Variants in RHCG observed in about 807,000 individuals in gnomAD.
The protein encoded by RHCG is ammonium transporter Rh type C.
RHCG carries 39 observed loss-of-function variants against 55.3 expected under a neutral mutation model. The observed-to-expected ratio is 0.70, with a 90% CI of 0.55 to 0.92. The LOEUF is 0.92. Among genes scored for constraint, RHCG ranks in the 40% least tolerant of loss-of-function variants. The probability of loss-of-function intolerance (pLI) is 0.00; values close to 1 mark genes in which losing one functional copy is unlikely to be tolerated. For synonymous variants in RHCG, 250 were observed against 246.8 expected (o/e 1.01, Z -0.12); for missense variants, 635 against 627.9 (o/e 1.01, Z -0.12).
chr15:89,489,597 G>A (rs895300795), intron 1 of RHCG, among the ~76,000 whole-genome samples: 7 of 152,052 alleles, frequency 4.6e-5, no homozygotes, highest in Non-Finnish European at 1.0e-4. Flanking sequence ...TGCCTCCCAG[G>A]GGATCTCTAC....
In RHCG at chr15:89,486,597, A is replaced by AGAGT; in HGVS notation, c.371+198_371+201dup. On this transcript the variant is annotated intron_variant, in intron 2 of 10. Transcript: ENST00000268122. Reference sequence around the variant, plus strand: ...GAGAGAGAGAGAGAGAGAGAGAGAGAGAGTGTGTGTGTGTGTGTGTGTGTG... The same window carrying AGAGT: ...GAGAGAGAGAGAGAGAGAGAGAGAGAGAGTGAGTGTGTGTGTGTGTGTGTGTGTG... The AGAGT allele has an allele frequency of 4.0e-5, 13 of 322,882 alleles. No individual in the cohort carries two copies. The Admixed American group carries it at 4.3e-4, about 11-fold the overall frequency. 20.0% of individuals were successfully genotyped at this position (322,882 alleles called of 1,614,324 possible).
chr15:89,487,877 C>G (rs1475835996), intron 1 of RHCG, among the ~76,000 whole-genome samples: 1 of 152,202 alleles, frequency 6.6e-6, no homozygotes, highest in African/African-American at 2.4e-5. Flanking sequence ...CAAGTCTTCT[C>G]CAACTCACAA....
chr15:89,478,125 C>T, intron 5 of RHCG, 151 bp from the exon 6 acceptor site: 4 of 980,184 alleles, frequency 4.1e-6, no homozygotes, highest in Non-Finnish European at 5.8e-6. Flanking sequence ...CAGGAGCCTG[C>T]AGAGGACTTC....
chr15:89,476,885 A>G, intron 8 of RHCG, 57 bp from the exon 9 acceptor site: 4 of 1,562,450 alleles, frequency 2.6e-6, no homozygotes, highest in Non-Finnish European at 3.5e-6. Context: ...TGCTCACCCC[A>G]GCCATTTCCC....
At chr15:89,483,596 C>T (rs1357994218) in intron 2 of RHCG, among the ~76,000 whole-genome samples, 4 of 152,214 alleles carry the variant, frequency 2.6e-5, no homozygotes, top group Non-Finnish European at 4.4e-5. Context: ...TTTACTGCCT[C>T]CTCTTTCAGG....
chr15:89,486,741 C>G, intron 2 of RHCG, 58 bp downstream of exon 2: 2 of 1,541,522 alleles, frequency 1.3e-6, no homozygotes, highest in Non-Finnish European at 1.8e-6. Flanking sequence ...CTCAGGCTCA[C>G]CTGCCCAGCC....
At chr15:89,490,923 G>C (rs1421515969) in intron 1 of RHCG, among the ~76,000 whole-genome samples, 9 of 151,970 alleles carry the variant, frequency 5.9e-5, no homozygotes, top group African/African-American at 2.2e-4. Context: ...GGGAGAGAGA[G>C]ACACAAGCTG....
chr15:89,486,917 C>T lies in RHCG; in HGVS notation c.253G>A (p.Gly85Ser), dbSNP rs759647882. The change falls in exon 2 of 11, where the codon GGC (glycine) becomes AGC (serine). Residue 85 changes from glycine to serine, a missense_variant. Physicochemically the swap from Gly to Ser is moderately conservative, Grantham distance 56 (BLOSUM62 0). Coordinates refer to ENST00000268122, the MANE Select transcript of RHCG (RefSeq NM_016321.3). ...AAGTTGAAGCCCACGGCGCTGAAGC[C>T]GTAGCGCTGCAGGAAAGTCATGAGG... ...GFLMTFLQRY[G>S]FSAVGFNFLL... 1 of 1,612,604 alleles carries T rather than the reference C, an allele frequency of 6.2e-7. No homozygotes were observed. The highest frequency in any genetic ancestry group is 8.5e-7 in the Non-Finnish European group (1 of 1,179,030).
At chr15:89,490,321 GCA>G (rs1386094421) in intron 1 of RHCG, among the ~76,000 whole-genome samples, 2 of 152,240 alleles carry the variant, frequency 1.3e-5, no homozygotes, top group Non-Finnish European at 2.9e-5. Flanking sequence ...AGGGGGCTTG[GCA>G]CACTGAAGGG....
chr15:89,490,731 G>C (rs1052599252), intron 1 of RHCG, among the ~76,000 whole-genome samples: 1 of 151,882 alleles, frequency 6.6e-6, no homozygotes, highest in Admixed American at 6.6e-5. Flanking sequence ...AGGTTGCTGC[G>C]TGGGAGGGAG....
intron 9 of RHCG, 58 bp downstream of exon 9, chr15:89,476,696 TG>T: frequency 7.0e-7 from 1 of 1,427,164 alleles, no homozygotes; most frequent in Non-Finnish European, 9.9e-7. Flanking sequence ...GCTGATGCAG[TG>T]GAGGCAGGGA....
rs540124244 is a variant in RHCG at position 89,472,459 on chromosome 15, G to T, written c.*24+252C>A. On this transcript the variant is annotated intron_variant, in intron 10 of 10. Coordinates refer to ENST00000268122, the MANE Select transcript of RHCG (RefSeq NM_016321.3). ...AGTCACAAAGCCAAGTGTGCCCCCA[G>T]GTCTCCTTCCATATTCCTTCCAGGC... is the stretch of plus-strand genomic sequence containing the variant. 2.6e-5 allele frequency among the ~76,000 whole-genome samples: 4 copies of T among 152,248 alleles called. No individual in the cohort carries two copies. The South Asian group carries it at 6.2e-4, about 24-fold the overall frequency.
chr15:89,472,811 G>A lies in RHCG; in HGVS notation c.1364C>T (p.Pro455Leu). 1.9e-6 allele frequency: 3 copies of A among 1,554,146 alleles called. No individual in the cohort carries two copies. The highest frequency in any genetic ancestry group is 2.4e-5 in the East Asian group (1 of 41,020). ...TACTGAGGGTACTGAGGGTCCTGAG[G>A]GCTTGAAGGTGGGGTCCTCAGGGAT... ...VYIPEDPTFK[P>L]SGPSVPSVPM... is the part of the protein sequence containing the mutation. Residue 455 changes from proline to leucine, a missense_variant, in exon 10 of 11, where the codon CCC becomes CTC. Pro to Leu is a moderately conservative substitution (Grantham distance 98). Transcript: ENST00000268122.
At position 89,496,271 on chromosome 15, in the gene RHCG, C is replaced by G. The variant is rs1297028952; in HGVS notation, c.184+90G>C. ...GAGTCCGCGGCTGCAGGGTAGATCC[C>G]CTCCTCTGCCCAGCTCTGGGCCGAG... On this transcript the variant is annotated intron_variant, in intron 1 of 10. Transcript: ENST00000268122. 43 of 1,356,420 alleles carry G rather than the reference C, an allele frequency of 3.2e-5. 1 individual carries two copies. In the East Asian group the frequency reaches 1.0e-3, roughly 31 times the overall value. The allele number at this position is 1,356,420 out of a possible 1,614,324, so 84.0% of individuals were successfully genotyped here.
intron 9 of RHCG, among the ~76,000 whole-genome samples, chr15:89,474,039 G>T (rs569947276): frequency 6.6e-6 from 1 of 152,288 alleles, no homozygotes; most frequent in African/African-American, 2.4e-5. Flanking sequence ...TGTGAGAAAA[G>T]AAAGTTTATT....
chr15:89,489,555 T>C (rs1227125265), intron 1 of RHCG, among the ~76,000 whole-genome samples: 1 of 152,102 alleles, frequency 6.6e-6, no homozygotes, highest in East Asian at 1.9e-4. Context: ...CGCCCACCTG[T>C]CTCCCGGGGG....
chr15:89,480,444 T>C (rs974469748), intron 3 of RHCG, 36 bp from the exon 4 acceptor site: 3 of 1,596,992 alleles, frequency 1.9e-6, no homozygotes, highest in Admixed American at 3.4e-5. Context: ...TCTGGCACCT[T>C]CTCTCCCTCC....
chr15:89,484,030 T>C (rs940915958), intron 2 of RHCG, among the ~76,000 whole-genome samples: 2 of 152,206 alleles, frequency 1.3e-5, no homozygotes, highest in African/African-American at 4.8e-5. Flanking sequence ...GCCCTCTGGA[T>C]TCCAAGGCAA....
At chr15:89,490,910 G>A (rs910610740) in intron 1 of RHCG, among the ~76,000 whole-genome samples, 7 of 152,126 alleles carry the variant, frequency 4.6e-5, no homozygotes, top group Admixed American at 3.9e-4. Context: ...ATGTGGGAAT[G>A]AAGGGAGAGA....
Sources: gnomAD v4.1 joint callset for allele counts (sites outside exome capture counted in the v4.1 genomes callset) on GRCh38, gnomAD v4.1.1 for gene constraint, MANE v1.5 for transcripts, NCBI Gene and HGNC (gene_info 2026-07-23, HGNC 2026-07-21) for gene names.